The following EFHD1 variants were observed in gnomAD, a reference collection of about 807,000 sequenced individuals.
The protein encoded by EFHD1 is EF-hand domain family member D1.
In EFHD1, 10 loss-of-function variants were observed where a neutral mutation model predicts 17.2. The ratio of observed to expected loss-of-function variants is 0.58; its 90% CI spans 0.36 to 0.99. The LOEUF (loss-of-function observed/expected upper bound fraction) is 0.99, where lower values mean the gene tolerates loss of function less well. Ranked by LOEUF, EFHD1 falls within the 50% of genes least tolerant of loss-of-function variation. The pLI, the probability that EFHD1 is intolerant of heterozygous loss-of-function variation, is 0.01. For synonymous variants in EFHD1, 153 were observed against 142.0 expected, an observed-to-expected ratio of 1.08 and a Z score of -0.55; for missense variants, 310 against 327.5, an observed-to-expected ratio of 0.95 and a Z score of 0.41.
Position 232,660,447 on chromosome 2 carries a change from G to A in EFHD1, c.303-2355G>A, listed in dbSNP as rs192905970. 2.3e-3 allele frequency among the ~76,000 whole-genome samples: 347 copies of A among 151,704 alleles called. 1 individual carries two copies. The highest frequency in any genetic ancestry group is 7.8e-3 in the African/African-American group (321 of 41,414). Reference sequence around the variant, plus strand: ...GTTCTCCTGACCTCGTGATCCACCCGCCTTGGCCTCCCAAAGTATTGGGAT... The same window carrying A: ...GTTCTCCTGACCTCGTGATCCACCCACCTTGGCCTCCCAAAGTATTGGGAT... On this transcript the variant is annotated intron_variant, in intron 1 of 3. Coordinates refer to ENST00000264059, the MANE Select transcript of EFHD1 (RefSeq NM_025202.4).
upstream of EFHD1, among the ~76,000 whole-genome samples, chr2:232,632,036 A>T (rs1166426935): frequency 1.3e-5 from 2 of 152,102 alleles, no homozygotes; most frequent in Non-Finnish European, 1.5e-5. Context: ...ATATAAAATT[A>T]AAAAAAGTTT....
chr2:232,670,642 G>T (rs1036743338), intron 2 of EFHD1, among the ~76,000 whole-genome samples: 5 of 146,626 alleles, frequency 3.4e-5, no homozygotes, highest in African/African-American at 1.2e-4. Flanking sequence ...AAATTTCAGA[G>T]ATTAAATATT....
At chr2:232,639,835 C>T (rs1694393959) in intron 1 of EFHD1, among the ~76,000 whole-genome samples, 1 of 152,140 alleles carries the variant, frequency 6.6e-6, no homozygotes, top group African/African-American at 2.4e-5. Context: ...TAGCTTTAGA[C>T]TTCACAAATC....
intron 1 of EFHD1, among the ~76,000 whole-genome samples, chr2:232,614,898 C>T (rs1197259177): frequency 6.6e-6 from 1 of 152,104 alleles, no homozygotes; most frequent in Non-Finnish European, 1.5e-5. Flanking sequence ...ATCGCTTGAG[C>T]CCAGGAGATG....
At chr2:232,658,491 G>C (rs1694802486) in intron 1 of EFHD1, among the ~76,000 whole-genome samples, 1 of 152,124 alleles carries the variant, frequency 6.6e-6, no homozygotes, top group Admixed American at 6.6e-5. Flanking sequence ...AACTAAATAA[G>C]CATGTGACCC....
At chr2:232,661,327 G>A (rs111895135) in intron 1 of EFHD1, among the ~76,000 whole-genome samples, 1 of 151,864 alleles carries the variant, frequency 6.6e-6, no homozygotes, top group Non-Finnish European at 1.5e-5. Context: ...CTCTCTCCCA[G>A]CCCCTGGCAA....
upstream of EFHD1, chr2:232,633,164 G>C (rs1048376026): frequency 6.6e-6 from 1 of 152,306 alleles, no homozygotes; most frequent in Non-Finnish European, 1.5e-5. Context: ...CCCCGGGGAG[G>C]GTGGGCACCA....
At chr2:232,615,885 T>C (rs1054564622) in intron 1 of EFHD1, among the ~76,000 whole-genome samples, 5 of 151,916 alleles carry the variant, frequency 3.3e-5, no homozygotes, top group Non-Finnish European at 5.9e-5. Context: ...TGGGGTTTCT[T>C]CTTGTTGGTC....
chr2:232,634,650 T>C (rs1321444421), intron 1 of EFHD1, among the ~76,000 whole-genome samples: 1 of 152,016 alleles, frequency 6.6e-6, no homozygotes, highest in Admixed American at 6.5e-5. Flanking sequence ...GCGGTCCTGC[T>C]CTGTGAGCCC....
chr2:232,656,040 G>A (rs536325100), intron 1 of EFHD1, among the ~76,000 whole-genome samples: 8 of 151,838 alleles, frequency 5.3e-5, no homozygotes, highest in South Asian at 4.2e-4. Flanking sequence ...TCTCCTGACC[G>A]CGTGATCCAC....
chr2:232,674,758 C>T (rs1235311080), intron 3 of EFHD1, among the ~76,000 whole-genome samples: 1 of 152,120 alleles, frequency 6.6e-6, no homozygotes, highest in African/African-American at 2.4e-5. Flanking sequence ...AAGGAGCCGC[C>T]ATTTGTGACA....
upstream of EFHD1, chr2:232,633,537 C>A (rs1201657909): frequency 7.8e-7 from 1 of 1,284,038 alleles, no homozygotes. Context: ...CGCAGCTCCG[C>A]CCCGACCGCC....
chr2:232,672,263 C>CTA, intron 2 of EFHD1, 46 bp from the exon 3 acceptor site: 1 of 1,613,220 alleles, frequency 6.2e-7, no homozygotes, highest in South Asian at 1.1e-5. Flanking sequence ...GGTTATGAAT[C>CTA]TGTCAGTGAG....
At chr2:232,642,438 C>T (rs1694450495) in intron 1 of EFHD1, among the ~76,000 whole-genome samples, 1 of 149,068 alleles carries the variant, frequency 6.7e-6, no homozygotes, top group Non-Finnish European at 1.5e-5. Context: ...TGGGTGTCTG[C>T]TTAGCCCCGT....
rs560034821 is a variant in EFHD1 at position 232,622,455 on chromosome 2, G to T, written c.14+16282G>T. Among the ~76,000 whole-genome samples, 26 of 142,200 alleles carry T rather than the reference G, an allele frequency of 1.8e-4. 1 individual carries two copies. The South Asian group carries it at 4.8e-3, about 26-fold the overall frequency. The allele number at this position is 142,200 out of a possible 152,430, so 93.3% of individuals were successfully genotyped here. A position where few individuals can be genotyped will look rare whatever the true frequency, so the allele number is the denominator to read the frequency against. ...CTGCACTCCAGCCTGGGCAATGAGA[G>T]CAAAGCTCCGTTTCGCTGGGGGCGG... On this transcript the variant is annotated intron_variant, in intron 1 of 3. Coordinates refer to the EFHD1 transcript ENST00000409613.
chr2:232,663,060 G>A (rs895481130), intron 2 of EFHD1, 111 bp downstream of exon 2: 13 of 1,233,206 alleles, frequency 1.1e-5, no homozygotes, highest in East Asian at 9.3e-5. Context: ...CGCTGTTTGC[G>A]TATCTAACCT....
At chr2:232,648,500 C>T (rs548337855) in intron 1 of EFHD1, among the ~76,000 whole-genome samples, 44 of 152,088 alleles carry the variant, frequency 2.9e-4, no homozygotes, top group Non-Finnish European at 5.7e-4. Context: ...GAGAACCTTG[C>T]AGGCAGGGAT....
intron 1 of EFHD1, chr2:232,610,820 G>C (rs1207875933): frequency 6.6e-6 from 1 of 151,150 alleles, no homozygotes; most frequent in Non-Finnish European, 1.5e-5. Flanking sequence ...CAAGGCTGCT[G>C]TGAGGCATGA....
intron 1 of EFHD1, among the ~76,000 whole-genome samples, chr2:232,626,920 T>C (rs1694110926): frequency 6.6e-6 from 1 of 151,824 alleles, no homozygotes; most frequent in Non-Finnish European, 1.5e-5. Flanking sequence ...GCATGATGGC[T>C]CTTGCCTGTA....
Sources: gnomAD v4.1 joint callset for allele counts (sites outside exome capture counted in the v4.1 genomes callset) on GRCh38, gnomAD v4.1.1 for gene constraint, MANE v1.5 for transcripts, NCBI Gene and HGNC (gene_info 2026-07-23, HGNC 2026-07-21) for gene names.